The following SYCE1 variants were observed in gnomAD, a reference collection of about 807,000 sequenced individuals.
SYCE1 encodes cancer/testis antigen 76.
A neutral mutation model predicts 55.1 loss-of-function variants in SYCE1; 37 were observed. The observed-to-expected ratio is 0.67, with a 90% CI of 0.52 to 0.88. SYCE1 has a LOEUF of 0.88. Ranked by LOEUF, SYCE1 falls within the 40% of genes least tolerant of loss-of-function variation. The pLI is 0.00. For synonymous variants in SYCE1, 163 were observed against 159.4 expected, an observed-to-expected ratio of 1.02 and a Z score of -0.17; for missense variants, 399 against 416.4, an observed-to-expected ratio of 0.96 and a Z score of 0.36.
chr10:133,565,665 A>AT, upstream of SYCE1: 1 of 817,700 alleles, frequency 1.2e-6, no homozygotes. Flanking sequence ...ATGTGAGGTA[A>AT]TTCTCCGGCA....
chr10:133,566,991 T>C (rs566488838), upstream of SYCE1, among the ~76,000 whole-genome samples: 12 of 151,592 alleles, frequency 7.9e-5, no homozygotes, highest in Non-Finnish European at 1.6e-4. Context: ...GGGGTAGCGT[T>C]GTGTGTTAGG....
chr10:133,566,142 C>T (rs1366420980), upstream of SYCE1, among the ~76,000 whole-genome samples: 2 of 152,208 alleles, frequency 1.3e-5, no homozygotes, highest in African/African-American at 4.8e-5. Context: ...CCCTTCTGCA[C>T]GGTCCCTGCC....
At chr10:133,562,226 G>A (rs1430832279) in intron 1 of SYCE1, among the ~76,000 whole-genome samples, 2 of 150,050 alleles carry the variant, frequency 1.3e-5, no homozygotes, top group Non-Finnish European at 3.0e-5. Context: ...AAACTCAAAT[G>A]GTTAAAAGTC....
At chr10:133,554,233 C>T (rs369980194), downstream of SYCE1, 353 of 1,544,570 alleles carry the variant, frequency 2.3e-4, 1 homozygote, top group African/African-American at 4.3e-3. Context: ...AGAATTTCTG[C>T]ACTTTGCCAT....
At chr10:133,557,795 T>G in intron 6 of SYCE1, 69 bp downstream of exon 6, 2 of 1,557,218 alleles carry the variant, frequency 1.3e-6, no homozygotes, top group South Asian at 1.1e-5. Context: ...CAGATTCATC[T>G]TCCTGCCTCT....
At chr10:133,561,536 C>T (rs10857759) in intron 1 of SYCE1, among the ~76,000 whole-genome samples, 14,382 of 152,116 alleles carry the variant, frequency 0.095, 853 homozygotes, top group East Asian at 0.25. Context: ...AGTTTGAACT[C>T]GCTCCCAACA....
intron 6 of SYCE1, 34 bp downstream of exon 6, chr10:133,557,830 T>C (rs755597643): frequency 1.2e-6 from 2 of 1,611,500 alleles, no homozygotes; most frequent in South Asian, 2.2e-5. Flanking sequence ...AATAAAGAGG[T>C]AGTGCAGAGT....
At chr10:133,564,602 C>A (rs904902428) in intron 1 of SYCE1, among the ~76,000 whole-genome samples, 1 of 152,166 alleles carries the variant, frequency 6.6e-6, no homozygotes, top group Non-Finnish European at 1.5e-5. Context: ...TTCAAACCTT[C>A]ATTTTGTAAG....
rs1308813461 is a variant in SYCE1 at position 133,556,712 on chromosome 10, T to C, written c.528+47A>G. The C allele has an allele frequency of 2.6e-6, 4 of 1,543,890 alleles. No individual in the cohort carries two copies. The African/African-American group carries it at 5.5e-5, about 21-fold the overall frequency. On this transcript the variant is annotated intron_variant, in intron 8 of 12. Coordinates refer to ENST00000343131, the MANE Select transcript of SYCE1 (RefSeq NM_001143764.3). ...AGAAGTGACCGTTTGGGCCTGGTGC[T>C]GCTAGGGAAGATGTGGAAGGGGGAG...
rs1455273719 is a variant in SYCE1 at position 133,555,388 on chromosome 10, T to C, written c.881A>G (p.Gln294Arg). The C allele has an allele frequency of 2.5e-6, 4 of 1,614,098 alleles. No homozygotes were observed. Among genetic ancestry groups the C allele is most frequent in the African/African-American group, 1.3e-5 (1 of 75,028 alleles). The change falls in exon 12 of 13, where the codon CAG becomes CGG. Residue 294 changes from glutamine to arginine, a missense_variant. Physicochemically the swap from Gln to Arg is conservative, Grantham distance 43 (BLOSUM62 1). Coordinates refer to ENST00000343131, the MANE Select transcript of SYCE1 (RefSeq NM_001143764.3). ...KHGMQVPAQAQSTQEEEAGPG... is the reference protein window; with the variant it reads ...KHGMQVPAQARSTQEEEAGPG... ...GCCAGCCTCTTCCTCTTGTGTGCTC[T>C]GGGCTTGGGCAGGGACTTGCATTCC...
intron 11 of SYCE1, 52 bp downstream of exon 11, chr10:133,555,545 A>G: frequency 6.2e-7 from 1 of 1,604,412 alleles, no homozygotes; most frequent in Non-Finnish European, 8.5e-7. Flanking sequence ...AGGAGATACA[A>G]CATCAGTCAT....
At chr10:133,568,291 C>G, upstream of SYCE1, 1 of 1,392,310 alleles carries the variant, frequency 7.2e-7, no homozygotes, top group Non-Finnish European at 9.8e-7. Context: ...CCAGCCTGAG[C>G]CCGCCGCCCC....
At chr10:133,555,501 G>GTTTTCAAGAGTCAGAGA in intron 11 of SYCE1, 63 bp from the exon 12 acceptor site, 1 of 1,611,002 alleles carries the variant, frequency 6.2e-7, no homozygotes, top group Non-Finnish European at 8.5e-7. Context: ...GGGACAAGAG[G>GTTTTCAAGAGTCAGAGA]TTTTCAAGAG....
Position 133,555,969 on chromosome 10 carries a change from C to T in SYCE1, c.595+12G>A. On this transcript the variant is annotated intron_variant, in intron 9 of 12. Transcript: ENST00000343131. ...AGGTCAGATATGGGCCATCCACCTT[C>T]CCTGGTCTCACCTTCCTTGAGCAGC... The T allele has an allele frequency of 1.9e-6, 3 of 1,614,134 alleles. No homozygotes were observed. Among genetic ancestry groups the T allele is most frequent in the Non-Finnish European group, 2.5e-6 (3 of 1,180,002 alleles).
chr10:133,564,840 G>A (rs1261471420), intron 1 of SYCE1, among the ~76,000 whole-genome samples: 2 of 152,190 alleles, frequency 1.3e-5, no homozygotes, highest in African/African-American at 4.8e-5. Flanking sequence ...AAGTGGAAAC[G>A]GCCAGGACAG....
intron 1 of SYCE1, among the ~76,000 whole-genome samples, chr10:133,563,281 T>C (rs1851856933): frequency 6.6e-6 from 1 of 152,208 alleles, no homozygotes; most frequent in Non-Finnish European, 1.5e-5. Flanking sequence ...CTGTATTGTT[T>C]ATAATAGTGA....
chr10:133,554,807 A>G, downstream of SYCE1: 1 of 1,461,950 alleles, frequency 6.8e-7, no homozygotes, highest in East Asian at 2.5e-5. Context: ...CGGACCCAGA[A>G]GAAGCTGGCA....
chr10:133,565,709 CG>C (rs1044680368), upstream of SYCE1: 19 of 587,446 alleles, frequency 3.2e-5, no homozygotes, highest in African/African-American at 2.7e-4. Flanking sequence ...TGCGTAAAGG[CG>C]CGAGGGCTAC....
upstream of SYCE1, chr10:133,568,110 C>G (rs1449665086): frequency 1.4e-6 from 1 of 739,220 alleles, no homozygotes; most frequent in Non-Finnish European, 2.3e-6. Context: ...CGCAGCAGCC[C>G]CAGGGCACTG....
Sources: gnomAD v4.1 joint callset for allele counts (sites outside exome capture counted in the v4.1 genomes callset) on GRCh38, gnomAD v4.1.1 for gene constraint, MANE v1.5 for transcripts, NCBI Gene and HGNC (gene_info 2026-07-23, HGNC 2026-07-21) for gene names.